TIGD4: variants seen among roughly 807,000 people sequenced by gnomAD.
TIGD4 encodes the protein tigger transposable element-derived protein 4.
A neutral mutation model predicts 24.9 loss-of-function variants in TIGD4; 20 were observed. The ratio of observed to expected loss-of-function variants is 0.80; its 90% confidence interval spans 0.56 to 1.17. TIGD4 has a LOEUF of 1.17. TIGD4 is among the 50% of genes most tolerant of loss of function. The pLI is 0.00. For missense variants in TIGD4, 566 were observed against 591.0 expected (o/e 0.96, Z 0.44); for synonymous variants, 193 against 211.0 (o/e 0.91, Z 0.74).
intron 1 of TIGD4, among the ~76,000 whole-genome samples, chr4:152,772,396 T>A (rs1305082190): frequency 6.6e-6 from 1 of 152,118 alleles, no homozygotes; most frequent in African/African-American, 2.4e-5. Context: ...GACTCTGCTA[T>A]TTAGTACTCA....
intron 1 of TIGD4, among the ~76,000 whole-genome samples, chr4:152,771,822 T>C (rs1730181874): frequency 1.3e-5 from 2 of 152,198 alleles, no homozygotes; most frequent in African/African-American, 4.8e-5. Flanking sequence ...ATTTTGAAAA[T>C]GTGGGCTTAC....
intron 1 of TIGD4, among the ~76,000 whole-genome samples, chr4:152,779,147 A>G (rs1730331602): frequency 6.6e-6 from 1 of 152,154 alleles, no homozygotes; most frequent in African/African-American, 2.4e-5. Flanking sequence ...TGAGAGAGCG[A>G]ATTGTTCAGC....
At position 152,770,001 on chromosome 4, in the gene TIGD4, A is replaced by T; in HGVS notation, c.1004T>A (p.Ile335Asn). 6.2e-7 allele frequency: 1 copy of T among 1,610,320 alleles called. No individual in the cohort carries two copies. Among genetic ancestry groups the T allele is most frequent in the Non-Finnish European group, 8.5e-7 (1 of 1,177,328 alleles). ...TTCAACAGAGCTTAAAAATTTCTTG[A>T]TAAGACAGTGTCGATATTTGATTTT... ...SLKIKYRHCL[I>N]KKFLSSVEGS... is the part of the protein sequence containing the mutation. The change falls in exon 2 of 2, where the codon ATC (isoleucine) becomes AAC (asparagine). Residue 335 changes from isoleucine to asparagine, a missense_variant. Coordinates refer to ENST00000304337, the MANE Select transcript of TIGD4 (RefSeq NM_145720.4).
At position 152,779,481 on chromosome 4, in the gene TIGD4, CCTT is replaced by C. The variant is rs1051674461; in HGVS notation, c.-541_-539del. On this transcript the variant is annotated splice_region_variant and 5_prime_UTR_variant, in exon 1 of 2. Coordinates refer to ENST00000304337, the MANE Select transcript of TIGD4 (RefSeq NM_145720.4). ...CACCTTCCCCCCGGGACTGGAATAA[CCTT>C]CTTCGTGCTCTCCGGTGGCTGAGAA... is the stretch of plus-strand genomic sequence containing the variant. The C allele has an allele frequency of 6.6e-6, 1 of 152,354 alleles. No individual in the cohort carries two copies. The highest frequency in any genetic ancestry group is 1.5e-5 in the Non-Finnish European group (1 of 68,180). The allele number at this position is 152,354 out of a possible 1,614,324, so 9.4% of individuals were successfully genotyped here.
intron 1 of TIGD4, among the ~76,000 whole-genome samples, chr4:152,773,176 T>C (rs1396530585): frequency 6.6e-6 from 1 of 152,196 alleles, no homozygotes; most frequent in Non-Finnish European, 1.5e-5. Context: ...TGTGTGAGTG[T>C]GGGCACTCCA....
intron 1 of TIGD4, among the ~76,000 whole-genome samples, chr4:152,778,703 T>C (rs900563750): frequency 6.6e-6 from 1 of 152,198 alleles, no homozygotes; most frequent in Non-Finnish European, 1.5e-5. Flanking sequence ...GTGCCATAGG[T>C]GTTTACTATT....
intron 1 of TIGD4, 38 bp from the exon 2 acceptor site, chr4:152,771,580 GAT>G (rs1462690730): frequency 3.1e-5 from 5 of 158,864 alleles, no homozygotes; most frequent in African/African-American, 1.2e-4. Flanking sequence ...CAATTTTAGC[GAT>G]ATGTCAATTG....
In TIGD4 at chr4:152,770,801, T is replaced by A; in HGVS notation, c.204A>T (p.Glu68Asp). The part of the protein sequence containing the change: ...KNKDKVLEAF[E>D]SLRFDPKRKR... ...TTCTCTTTGGATCAAATCTTAGAGA[T>A]TCAAAGGCTTCTAGAACTTTGTCTT... is the stretch of plus-strand genomic sequence containing the variant. Residue 68 changes from glutamate to aspartate, a missense_variant, in exon 2 of 2, where the codon GAA becomes GAT. Glu to Asp is a conservative substitution (Grantham distance 45). Coordinates refer to ENST00000304337, the MANE Select transcript of TIGD4 (RefSeq NM_145720.4). 1 of 1,611,686 alleles carries A rather than the reference T, an allele frequency of 6.2e-7. No homozygotes were observed. The highest frequency in any genetic ancestry group is 8.5e-7 in the Non-Finnish European group (1 of 1,179,430).
chr4:152,773,879 CTCT>C (rs760672158), intron 1 of TIGD4, among the ~76,000 whole-genome samples: 32 of 152,132 alleles, frequency 2.1e-4, no homozygotes, highest in Non-Finnish European at 3.1e-4. Context: ...AAAATTCTTG[CTCT>C]TATTAGGAAG....
chr4:152,769,898 C>A lies in TIGD4; in HGVS notation c.1107G>T (p.Glu369Asp), dbSNP rs1445721602. 1.2e-6 allele frequency: 2 copies of A among 1,613,704 alleles called. No individual in the cohort carries two copies. The highest frequency in any genetic ancestry group is 2.2e-5 in the South Asian group (2 of 91,052). ...CCTCTTCATAGCTTTTAACAATAGT[C>A]TCTGGGGTTACAGCCCTCCAGCAAA... ...LHLCWRAVTP[E>D]TIVKSYEEAG... The change falls in exon 2 of 2, where the codon GAG (glutamate) becomes GAT (aspartate). Residue 369 changes from glutamate (E) to aspartate (D), a missense_variant. By Grantham distance (45) the Glu-to-Asp change is conservative. Transcript: ENST00000304337.
At position 152,769,605 on chromosome 4, in the gene TIGD4, A is replaced by T. The variant is rs887342209; in HGVS notation, c.1400T>A (p.Leu467His). The stretch of plus-strand genomic sequence containing the variant: ...TGCCTCAGATTTTGATGGTAAAGGG[A>T]GTTCAGTTCCTGGAGATCCATCATC... The part of the protein sequence containing the change: ...EDDDGSPGTE[L>H]PLPSKSEAIT... Residue 467 changes from leucine to histidine, a missense_variant, in exon 2 of 2, where the codon CTC (leucine) becomes CAC (histidine). By Grantham distance (99) the Leu-to-His change is moderately conservative. Coordinates refer to ENST00000304337, the MANE Select transcript of TIGD4 (RefSeq NM_145720.4). 1 of 1,613,520 alleles carries T rather than the reference A, an allele frequency of 6.2e-7. No individual in the cohort carries two copies. Among genetic ancestry groups the T allele is most frequent in the African/African-American group, 1.3e-5 (1 of 74,904 alleles).
rs756621222 is a variant in TIGD4, at chr4:152,770,481, T to C, written c.524A>G (p.His175Arg). 7.5e-6 allele frequency: 12 copies of C among 1,610,576 alleles called. No individual in the cohort carries two copies. In the Admixed American group the frequency reaches 1.5e-4, roughly 20 times the overall value. ...TTTTATATTAAAAACATTTTTAGGA[T>C]GATAATCATTTAAATAATAAGGAAG... The part of the protein sequence containing the change: ...NVLPYYLNDY[H>R]PKNVFNIKET... Residue 175 changes from histidine (H) to arginine (R), a missense_variant, in exon 2 of 2, where the codon CAT becomes CGT. Physicochemically the swap from His to Arg is conservative, Grantham distance 29 (BLOSUM62 0). Coordinates refer to ENST00000304337, the MANE Select transcript of TIGD4 (RefSeq NM_145720.4).
chr4:152,770,708 C>G lies in TIGD4; in HGVS notation c.297G>C (p.Gln99His). ...GACCATTAACTGGTACATTTAGACACTGAGCAATTCGATACCATCTCATTA... is the reference window on the plus strand; with the variant it reads ...GACCATTAACTGGTACATTTAGACAGTGAGCAATTCGATACCATCTCATTA... ...EALMRWYRIA[Q>H]CLNVPVNGPM... The change falls in exon 2 of 2, where the codon CAG becomes CAC. Residue 99 changes from glutamine to histidine, a missense_variant. Coordinates refer to ENST00000304337, the MANE Select transcript of TIGD4 (RefSeq NM_145720.4). 1 of 1,613,660 alleles carries G rather than the reference C, an allele frequency of 6.2e-7. No homozygotes were observed. The highest frequency in any genetic ancestry group is 8.5e-7 in the Non-Finnish European group (1 of 1,179,862).
At chr4:152,773,847 G>A (rs753286138) in intron 1 of TIGD4, among the ~76,000 whole-genome samples, 1 of 151,920 alleles carries the variant, frequency 6.6e-6, no homozygotes, top group Non-Finnish European at 1.5e-5. Context: ...CTATAAATAT[G>A]CAATTATTTC....
intron 1 of TIGD4, among the ~76,000 whole-genome samples, chr4:152,774,525 T>A (rs1306654704): frequency 6.6e-6 from 1 of 152,236 alleles, no homozygotes; most frequent in Non-Finnish European, 1.5e-5. Flanking sequence ...ATAGTCATCC[T>A]TTCAAGCTCA....
At position 152,769,949 on chromosome 4, in the gene TIGD4, T is replaced by C. The variant is rs1308428096; in HGVS notation, c.1056A>G (p.Leu352=). 4 of 1,613,200 alleles carry C rather than the reference T, an allele frequency of 2.5e-6. No homozygotes were observed. Among genetic ancestry groups the C allele is most frequent in the East Asian group, 2.2e-5 (1 of 44,864 alleles). ...GATGCAATGTATCAACTGCATCTAGTAGTGAAAATGTAAATTCTTTGCTAC... is the reference window on the plus strand; with the variant it reads ...GATGCAATGTATCAACTGCATCTAGCAGTGAAAATGTAAATTCTTTGCTAC... The part of the protein sequence containing the change: ...VEGSKEFTFS[L]LDAVDTLHLC... The change falls in exon 2 of 2, where the codon CTA becomes CTG. Residue 352 remains leucine (L), a synonymous_variant. Coordinates refer to ENST00000304337, the MANE Select transcript of TIGD4 (RefSeq NM_145720.4).
Position 152,771,557 on chromosome 4 carries a change from AT to A in TIGD4, c.-538-16del. Reference sequence around the variant, plus strand: ...TATATCTTCTTCTGTTGTTTGAAAAATTAAAAAAAAAGCAATTTTAGCGATA... The same window carrying A: ...TATATCTTCTTCTGTTGTTTGAAAAATAAAAAAAAAGCAATTTTAGCGATA... On this transcript the variant is annotated splice_polypyrimidine_tract_variant and intron_variant, in intron 1 of 1. Coordinates refer to ENST00000304337, the MANE Select transcript of TIGD4 (RefSeq NM_145720.4). The A allele has an allele frequency of 6.1e-6, 1 of 163,290 alleles. No homozygotes were observed. The allele number at this position is 163,290 out of a possible 1,614,324, so 10.1% of individuals were successfully genotyped here. A position where few individuals can be genotyped will look rare whatever the true frequency, so the allele number is the denominator to read the frequency against.
intron 1 of TIGD4, among the ~76,000 whole-genome samples, chr4:152,772,595 CATT>C (rs1475878716): frequency 6.6e-6 from 1 of 152,164 alleles, no homozygotes; most frequent in African/African-American, 2.4e-5. Flanking sequence ...ATCTCATCAT[CATT>C]ATCTCTCTCA....
At position 152,770,329 on chromosome 4, in the gene TIGD4, C is replaced by T; in HGVS notation, c.676G>A (p.Glu226Lys). 6.2e-7 allele frequency: 1 copy of T among 1,614,108 alleles called. No individual in the cohort carries two copies. Among genetic ancestry groups the T allele is most frequent in the Non-Finnish European group, 8.5e-7 (1 of 1,179,960 alleles). The part of the protein sequence containing the change: ...LVVGTNMDGS[E>K]KLPLLVIGKK... ...CCAATGACAAGCAAAGGAAGTTTCT[C>T]TGAGCCATCCATGTTTGTGCCAACC... Residue 226 changes from glutamate to lysine, a missense_variant, in exon 2 of 2, where the codon GAG (glutamate) becomes AAG (lysine). Coordinates refer to ENST00000304337, the MANE Select transcript of TIGD4 (RefSeq NM_145720.4).
Sources: gnomAD v4.1 joint callset for allele counts (sites outside exome capture counted in the v4.1 genomes callset) on GRCh38, gnomAD v4.1.1 for gene constraint, MANE v1.5 for transcripts, NCBI Gene and HGNC (gene_info 2026-07-23, HGNC 2026-07-21) for gene names.